KLHL1: variants seen among roughly 807,000 people sequenced by gnomAD.
KLHL1 encodes kelch-like protein 1.
In KLHL1, 47 loss-of-function variants were observed where a neutral mutation model predicts 77.7. The observed-to-expected ratio is 0.60, with a 90% CI of 0.48 to 0.77. The LOEUF is 0.77. KLHL1 is among the 30% of genes least tolerant of loss of function. The pLI is 0.00. For synonymous variants in KLHL1, 360 were observed against 325.2 expected, an observed-to-expected ratio of 1.11 and a Z score of -1.15; for missense variants, 925 against 910.8, an observed-to-expected ratio of 1.02 and a Z score of -0.20.
At chr13:69,877,107 T>C in intron 5 of KLHL1, among the ~76,000 whole-genome samples, 1 of 152,130 alleles carries the variant, frequency 6.6e-6, no homozygotes. Context: ...ACCTTCTAAA[T>C]AATCTCTGAC....
chr13:69,876,198 C>T (rs888588519), intron 5 of KLHL1, among the ~76,000 whole-genome samples: 1 of 152,102 alleles, frequency 6.6e-6, no homozygotes, highest in East Asian at 1.9e-4. Context: ...TGAGTGTAAT[C>T]TGCTCTGTAT....
intron 5 of KLHL1, among the ~76,000 whole-genome samples, chr13:69,850,964 T>G (rs369267982): frequency 6.1e-4 from 93 of 151,812 alleles, no homozygotes; most frequent in African/African-American, 2.1e-3. Context: ...AAATAGCGTT[T>G]GAAGGTTATC....
intron 1 of KLHL1, among the ~76,000 whole-genome samples, chr13:70,068,364 CAAAAACA>C (rs1169915589): frequency 0.04 from 4,615 of 114,714 alleles, 198 homozygotes; most frequent in African/African-American, 0.13. Context: ...AAAACAAAAA[CAAAAACA>C]AAAAAAAAGG....
chr13:70,107,498 A>C lies in KLHL1; in HGVS notation c.202T>G (p.Phe68Val). 1.2e-6 allele frequency: 2 copies of C among 1,613,834 alleles called. No individual in the cohort carries two copies. The highest frequency in any genetic ancestry group is 3.3e-4 in the Middle Eastern group (2 of 6,060). ...GAAGAGGAGGAAGGCTTCTTCCAGA[A>C]AGTGCTCACACCGCTTCTCTCTTGG... is the stretch of plus-strand genomic sequence containing the variant. ...KSQERSGVST[F>V]WKKPSSSSSS... is the part of the protein sequence containing the mutation. Residue 68 changes from phenylalanine (F) to valine (V), a missense_variant, in exon 1 of 11, where the codon TTC becomes GTC. By Grantham distance (50) the Phe-to-Val change is conservative (BLOSUM62 -1). Transcript: ENST00000377844.
chr13:70,033,465 T>C (rs549798609), intron 1 of KLHL1, among the ~76,000 whole-genome samples: 1 of 151,710 alleles, frequency 6.6e-6, no homozygotes, highest in Non-Finnish European at 1.5e-5. Context: ...AATTTGTTTT[T>C]TTATTTTTAT....
chr13:69,953,126 T>C (rs1020222291), intron 3 of KLHL1, among the ~76,000 whole-genome samples: 19 of 151,104 alleles, frequency 1.3e-4, no homozygotes, highest in African/African-American at 4.1e-4. Flanking sequence ...ATTTTTATGA[T>C]TCTTCTTCAG....
At chr13:69,973,144 C>T (rs1185219533) in intron 2 of KLHL1, among the ~76,000 whole-genome samples, 3 of 151,858 alleles carry the variant, frequency 2.0e-5, no homozygotes, top group Non-Finnish European at 4.4e-5. Context: ...ACCTTATCTA[C>T]TTAAAAATAT....
intron 5 of KLHL1, among the ~76,000 whole-genome samples, chr13:69,856,562 C>T (rs903026875): frequency 6.6e-6 from 1 of 152,038 alleles, no homozygotes; most frequent in East Asian, 1.9e-4. Flanking sequence ...GCCCTTCTCA[C>T]GTGAGTGGAT....
rs73510173 is a variant in KLHL1 at position 69,944,948 on chromosome 13, G to A, written c.818-4712C>T. On this transcript the variant is annotated intron_variant, in intron 3 of 10. Coordinates refer to ENST00000377844, the MANE Select transcript of KLHL1 (RefSeq NM_020866.3). ...AAATTTACTCAAAATGGATCACGAA[G>A]CTAAATTCAAACATTAAACTATAAA... Among the ~76,000 whole-genome samples, 499 of 146,154 alleles carry A rather than the reference G, an allele frequency of 3.4e-3. 5 individuals carry two copies. The Middle Eastern group carries it at 0.04, about 12-fold the overall frequency.
intron 1 of KLHL1, among the ~76,000 whole-genome samples, chr13:70,024,620 T>TTTTC (rs770371562): frequency 7.7e-6 from 1 of 130,288 alleles, no homozygotes; most frequent in Non-Finnish European, 1.7e-5. Flanking sequence ...GAGAAAAGAT[T>TTTTC]TCTCTCTCTC....
rs1217319432 is a variant in KLHL1 at position 69,785,051 on chromosome 13, G to A, written c.1639+11687C>T. Among the ~76,000 whole-genome samples, 105 of 151,356 alleles carry A rather than the reference G, an allele frequency of 6.9e-4. No individual in the cohort carries two copies. In the South Asian group the frequency reaches 0.018, roughly 25 times the overall value. On this transcript the variant is annotated intron_variant, in intron 7 of 10. Coordinates refer to ENST00000377844, the MANE Select transcript of KLHL1 (RefSeq NM_020866.3). ...ACTACAGGCGCCCGCCACTACGCCCGGCTAATTTTTTTTTGTATTTTTAGT... is the reference window on the plus strand; with the variant it reads ...ACTACAGGCGCCCGCCACTACGCCCAGCTAATTTTTTTTTGTATTTTTAGT...
chr13:69,996,162 G>A (rs960485549), intron 1 of KLHL1, among the ~76,000 whole-genome samples: 5 of 152,058 alleles, frequency 3.3e-5, no homozygotes, highest in African/African-American at 4.8e-5. Context: ...AATTAGCTGC[G>A]CATGGTAGCA....
intron 2 of KLHL1, among the ~76,000 whole-genome samples, chr13:69,964,534 T>C (rs193072338): frequency 1.3e-5 from 2 of 152,282 alleles, no homozygotes; most frequent in East Asian, 3.9e-4. Flanking sequence ...TCCTTTTAAA[T>C]CAAATTTTGA....
At chr13:69,996,409 T>C (rs1020827139) in intron 1 of KLHL1, among the ~76,000 whole-genome samples, 2 of 152,114 alleles carry the variant, frequency 1.3e-5, no homozygotes, top group Non-Finnish European at 2.9e-5. Context: ...CAGATGGATT[T>C]CAGACAATAA....
At chr13:69,913,772 T>C (rs1223801458) in intron 4 of KLHL1, among the ~76,000 whole-genome samples, 1 of 152,216 alleles carries the variant, frequency 6.6e-6, no homozygotes, top group Non-Finnish European at 1.5e-5. Flanking sequence ...AATGTGCAAG[T>C]GGCTACACAT....
chr13:69,753,079 C>T (rs944363047), intron 7 of KLHL1, among the ~76,000 whole-genome samples: 1 of 152,050 alleles, frequency 6.6e-6, no homozygotes, highest in South Asian at 2.1e-4. Flanking sequence ...TTCTTCCTGC[C>T]CAATCCTCCT....
intron 1 of KLHL1, among the ~76,000 whole-genome samples, chr13:70,036,922 G>A (rs1015609253): frequency 1.8e-5 from 2 of 111,672 alleles, no homozygotes; most frequent in African/African-American, 6.8e-5. Context: ...CAAAATTAAT[G>A]TTTGTAATTA....
chr13:69,768,169 T>A (rs554534327), intron 7 of KLHL1, among the ~76,000 whole-genome samples: 4 of 152,298 alleles, frequency 2.6e-5, no homozygotes, highest in Non-Finnish European at 5.9e-5. Context: ...TAGATCAAGC[T>A]TTCTTTAGCT....
At chr13:70,012,004 G>A (rs1017356591) in intron 1 of KLHL1, among the ~76,000 whole-genome samples, 2 of 152,064 alleles carry the variant, frequency 1.3e-5, no homozygotes, top group South Asian at 2.1e-4. Flanking sequence ...TTAATAATAA[G>A]CAGGGGAACT....
Sources: gnomAD v4.1 joint callset for allele counts (sites outside exome capture counted in the v4.1 genomes callset) on GRCh38, gnomAD v4.1.1 for gene constraint, MANE v1.5 for transcripts, NCBI Gene and HGNC (gene_info 2026-07-23, HGNC 2026-07-21) for gene names.